Variants in LYST observed in about 807,000 individuals in gnomAD.
The protein encoded by LYST is lysosomal-trafficking regulator.
LYST carries 192 observed loss-of-function variants against 413.6 expected under a neutral mutation model. The observed-to-expected ratio is 0.46, with a 90% CI of 0.41 to 0.52. The LOEUF is 0.52. LYST is among the 20% of genes least tolerant of loss of function. The probability of loss-of-function intolerance (pLI) is 0.00; values close to 1 mark genes in which losing one functional copy is unlikely to be tolerated. For missense variants in LYST, 3,815 were observed against 4,499.9 expected (o/e 0.85, Z 4.35); for synonymous variants, 1,525 against 1,567.3 (o/e 0.97, Z 0.64).
At chr1:235,805,624 CA>C (rs1215957904) in intron 6 of LYST, 118 bp downstream of exon 6, 18 of 339,376 alleles carry the variant, frequency 5.3e-5, no homozygotes, top group Middle Eastern at 1.8e-3. Flanking sequence ...ATATATAACA[CA>C]ATAATATATA....
intron 1 of LYST, among the ~76,000 whole-genome samples, chr1:235,879,885 C>T (rs1417832986): frequency 1.3e-5 from 2 of 152,156 alleles, no homozygotes; most frequent in Admixed American, 6.5e-5. Context: ...TATGGGCATG[C>T]GCCACCACGC....
intron 43 of LYST, among the ~76,000 whole-genome samples, chr1:235,710,713 C>T (rs1662341342): frequency 2.0e-5 from 3 of 152,200 alleles, no homozygotes; most frequent in African/African-American, 7.2e-5. Flanking sequence ...ACACTTGTGA[C>T]TGCCTCAATG....
Position 235,849,642 on chromosome 1 carries a change from C to T in LYST, c.-97-15975G>A, listed in dbSNP as rs149693430. ...CCTAAGGACTCCTCTAGAAAGCTCA[C>T]GGAACTGATAAAAGAATTCAACAAA... On this transcript the variant is annotated intron_variant, in intron 1 of 52. Transcript: ENST00000389793. Among the ~76,000 whole-genome samples the T allele has an allele frequency of 6.2e-3, 939 of 151,974 alleles. 8 individuals carry two copies. The highest frequency in any genetic ancestry group is 0.022 in the African/African-American group (895 of 41,470).
chr1:235,726,408 C>A lies in LYST; in HGVS notation c.9162+1668G>T, dbSNP rs949612086. The stretch of plus-strand genomic sequence containing the variant: ...ATATTTTCATACTTAAAACTGAATT[C>A]TTCCTTTGTTTAGTTTCAACATTCA... On this transcript the variant is annotated intron_variant, in intron 38 of 52. Coordinates refer to ENST00000389793, the MANE Select transcript of LYST (RefSeq NM_000081.4). Among the ~76,000 whole-genome samples the A allele has an allele frequency of 9.2e-5, 14 of 152,194 alleles. No individual in the cohort carries two copies. In the East Asian group the frequency reaches 2.7e-3, roughly 29 times the overall value.
intron 3 of LYST, among the ~76,000 whole-genome samples, chr1:235,814,041 G>C (rs981426484): frequency 1.1e-4 from 16 of 152,116 alleles, no homozygotes; most frequent in Non-Finnish European, 5.9e-5. Flanking sequence ...ACATATTTGA[G>C]AAACTGTAAG....
At chr1:235,752,282 C>T in intron 26 of LYST, 111 bp from the exon 27 acceptor site, 1 of 750,726 alleles carries the variant, frequency 1.3e-6, no homozygotes, top group Non-Finnish European at 2.3e-6. Context: ...GACCAGCTTG[C>T]ACTCATTCAT....
rs12565325 is a variant in LYST, at chr1:235,765,937, A to G, written c.6121+142T>C. 272,368 of 735,542 alleles carry G rather than the reference A, an allele frequency of 0.37. 54,250 individuals are homozygous for G. Among genetic ancestry groups the G allele is most frequent in the African/African-American group, 0.5 (28,596 of 57,546 alleles). The allele number at this position is 735,542 out of a possible 1,614,324, so 45.6% of individuals were successfully genotyped here. A position where few individuals can be genotyped will look rare whatever the true frequency, so the allele number is the denominator to read the frequency against. On this transcript the variant is annotated intron_variant, in intron 21 of 52. Transcript: ENST00000389793. ...ACAGAGGCCATGTCTAGTTCATTCT[A>G]TAACTCTCTGCCCTATCCCAACCCC...
rs1558261064 is a variant in LYST, at chr1:235,798,576, C to CTTAAA, written c.4006+1743_4006+1744insTTTAA. ...CTTGGCGACAAGGGCAAAACCCTGT[C>CTTAAA]ATAAAAAAAAAAAAAAAAAAAAAAA... On this transcript the variant is annotated intron_variant, in intron 10 of 52. Transcript: ENST00000389793. Among the ~76,000 whole-genome samples the CTTAAA allele has an allele frequency of 9.8e-4, 24 of 24,538 alleles. 6 individuals are homozygous for CTTAAA. Among genetic ancestry groups the CTTAAA allele is most frequent in the African/African-American group, 3.1e-3 (23 of 7,320 alleles). 16.1% of individuals were successfully genotyped at this position (24,538 alleles called of 152,430 possible).
At chr1:235,830,744 C>A (rs1675888398) in intron 2 of LYST, among the ~76,000 whole-genome samples, 2 of 152,058 alleles carry the variant, frequency 1.3e-5, no homozygotes, top group Non-Finnish European at 2.9e-5. Context: ...TAAAAATAAA[C>A]CCATTACTTA....
chr1:235,766,416 T>TAA, intron 20 of LYST, 139 bp from the exon 21 acceptor site: 1 of 613,788 alleles, frequency 1.6e-6, no homozygotes, highest in Non-Finnish European at 2.9e-6. Context: ...ACCATTACCA[T>TAA]AACAACTCAT....
At chr1:235,872,235 G>T (rs1680956632) in intron 1 of LYST, among the ~76,000 whole-genome samples, 1 of 149,002 alleles carries the variant, frequency 6.7e-6, no homozygotes, top group Non-Finnish European at 1.5e-5. Flanking sequence ...GACGGAGATT[G>T]CAGTGAGCCA....
intron 31 of LYST, chr1:235,736,939 C>A (rs1186071487): frequency 1.3e-5 from 2 of 151,936 alleles, no homozygotes; most frequent in Non-Finnish European, 2.9e-5. Flanking sequence ...TGCTGTTTCA[C>A]AACGTTGCTT....
chr1:235,694,734 T>C (rs1485424234), intron 46 of LYST, among the ~76,000 whole-genome samples: 1 of 152,112 alleles, frequency 6.6e-6, no homozygotes, highest in Non-Finnish European at 1.5e-5. Context: ...GAACCACATA[T>C]CATGAGTCTT....
intron 10 of LYST, among the ~76,000 whole-genome samples, chr1:235,798,454 C>T (rs71642807): frequency 3.3e-5 from 5 of 150,510 alleles, no homozygotes; most frequent in Non-Finnish European, 3.0e-5. Flanking sequence ...TAAAGCTGTT[C>T]TAAAAAATAA....
At chr1:235,688,772 C>G (rs866713373) in intron 47 of LYST, among the ~76,000 whole-genome samples, 7 of 152,026 alleles carry the variant, frequency 4.6e-5, no homozygotes, top group Middle Eastern at 3.4e-3. Flanking sequence ...ATCATGAGGT[C>G]AGGAGATCGA....
intron 36 of LYST, among the ~76,000 whole-genome samples, chr1:235,729,907 G>A (rs1488843742): frequency 6.6e-6 from 1 of 151,970 alleles, no homozygotes; most frequent in Non-Finnish European, 1.5e-5. Flanking sequence ...TAGAAATTAA[G>A]TTATTTAAAA....
intron 19 of LYST, among the ~76,000 whole-genome samples, chr1:235,773,038 T>TG (rs1453279787): frequency 2.0e-5 from 3 of 152,150 alleles, no homozygotes; most frequent in Non-Finnish European, 4.4e-5. Flanking sequence ...ATATGCTGGC[T>TG]GGGGGTGGTG....
intron 8 of LYST, 106 bp from the exon 9 acceptor site, chr1:235,801,203 A>T (rs891881900): frequency 2.6e-6 from 2 of 771,520 alleles, no homozygotes; most frequent in Non-Finnish European, 4.5e-6. Flanking sequence ...AATTCAGAGG[A>T]TGCTTACAAA....
At position 235,807,024 on chromosome 1, in the gene LYST, G is replaced by A. The variant is rs77797229; in HGVS notation, c.2364-252C>T. On this transcript the variant is annotated intron_variant, in intron 5 of 52. Transcript: ENST00000389793. ...CAGCAGTATCTAAAAAGAAAAGATT[G>A]CCTGTCCCACATTAAATGAAGCAAT... 0.037 allele frequency among the ~76,000 whole-genome samples: 5,627 copies of A among 152,102 alleles called. 347 individuals are homozygous for A. The highest frequency in any genetic ancestry group is 0.13 in the African/African-American group (5,327 of 41,432).
Sources: gnomAD v4.1 joint callset for allele counts (sites outside exome capture counted in the v4.1 genomes callset) on GRCh38, gnomAD v4.1.1 for gene constraint, MANE v1.5 for transcripts, NCBI Gene and HGNC (gene_info 2026-07-23, HGNC 2026-07-21) for gene names.